The following CEP15 variants were observed in gnomAD, a reference collection of about 807,000 sequenced individuals.
CEP15 encodes centrosomal protein 15 kDa.
chr3:62,321,424 A>C, the CEP15 span, among the ~76,000 whole-genome samples: 1 of 152,172 alleles, frequency 6.6e-6, no homozygotes. The surrounding 1 kb of genome is among the most constrained non-coding windows in gnomAD (Gnocchi z 4.1). Flanking sequence ...AAAAGAGGGA[A>C]AAAATATTTT....
chr3:62,324,082 A>C, the CEP15 span: 1 of 152,214 alleles, frequency 6.6e-6, no homozygotes, highest in South Asian at 2.1e-4. Context: ...AGTCATTATG[A>C]AAGTAAAATA....
chr3:62,329,789 G>C, the CEP15 span, among the ~76,000 whole-genome samples: 3 of 152,156 alleles, frequency 2.0e-5, no homozygotes, highest in Non-Finnish European at 4.4e-5. Flanking sequence ...GTGGCGCCAA[G>C]ATCTGCCACT....
the CEP15 span, chr3:62,334,538 T>TTC: frequency 2.0e-5 from 3 of 152,146 alleles, no homozygotes; most frequent in Non-Finnish European, 4.4e-5. This position sits in a 1 kb window ranked among gnomAD's most constrained non-coding sequence, Gnocchi z 4.9. Flanking sequence ...ATTAGCACAC[T>TTC]TCTCTACAGT....
the CEP15 span, chr3:62,320,326 A>T: frequency 1.7e-6 from 1 of 576,114 alleles, no homozygotes; most frequent in South Asian, 2.7e-5. Context: ...CTTTCATTTT[A>T]TACATTATTA....
the CEP15 span, among the ~76,000 whole-genome samples, chr3:62,320,847 T>C: frequency 6.6e-6 from 1 of 152,206 alleles, no homozygotes; most frequent in Non-Finnish European, 1.5e-5. Context: ...GTGACTTATA[T>C]ACAGTCACAG....
chr3:62,325,353 A>G, the CEP15 span, among the ~76,000 whole-genome samples: 434 of 152,354 alleles, frequency 2.8e-3, 3 homozygotes, highest in Non-Finnish European at 4.1e-3. Flanking sequence ...CTTGAACTCA[A>G]TAAAATTTCT....
the CEP15 span, chr3:62,333,616 A>G: frequency 8.6e-6 from 3 of 347,278 alleles, no homozygotes; most frequent in East Asian, 5.6e-5. This position sits in a 1 kb window ranked among gnomAD's most constrained non-coding sequence, Gnocchi z 4.0. Context: ...TTAAACACGA[A>G]TATTAAAAGG....
the CEP15 span, chr3:62,335,577 G>T: frequency 6.6e-6 from 1 of 152,176 alleles, no homozygotes; most frequent in South Asian, 2.1e-4. Flanking sequence ...GTTAAGAAGG[G>T]AGGAATACCA....
chr3:62,321,250 C>G, the CEP15 span, among the ~76,000 whole-genome samples: 1 of 152,056 alleles, frequency 6.6e-6, no homozygotes, highest in South Asian at 2.1e-4. This position sits in a 1 kb window ranked among gnomAD's most constrained non-coding sequence, Gnocchi z 4.1. Context: ...AAGCATTTGA[C>G]CAGCAAGAAA....
the CEP15 span, chr3:62,320,403 G>T: frequency 3.9e-6 from 5 of 1,275,304 alleles, no homozygotes; most frequent in Middle Eastern, 5.7e-4. Flanking sequence ...ATCAAATGTT[G>T]CAAAGCTGAG....
At chr3:62,333,333 G>A in the CEP15 span, 1 of 1,611,562 alleles carries the variant, frequency 6.2e-7, no homozygotes, top group Non-Finnish European at 8.5e-7. The surrounding 1 kb of genome is among the most constrained non-coding windows in gnomAD (Gnocchi z 4.0). Flanking sequence ...ATATCCTTTT[G>A]CTGTTGAAAA....
At chr3:62,334,985 A>T in the CEP15 span, 1 of 152,080 alleles carries the variant, frequency 6.6e-6, no homozygotes, top group South Asian at 2.1e-4. This position sits in a 1 kb window ranked among gnomAD's most constrained non-coding sequence, Gnocchi z 4.9. Context: ...GAATGAAGCA[A>T]TGTGAAACTT....
the CEP15 span, among the ~76,000 whole-genome samples, chr3:62,321,052 T>G: frequency 1.3e-5 from 2 of 152,188 alleles, no homozygotes; most frequent in East Asian, 1.9e-4. This position sits in a 1 kb window ranked among gnomAD's most constrained non-coding sequence, Gnocchi z 4.1. Flanking sequence ...GATACTTTCC[T>G]TACCAAAAAA....
the CEP15 span, among the ~76,000 whole-genome samples, chr3:62,321,186 G>T: frequency 1.3e-5 from 2 of 152,128 alleles, no homozygotes; most frequent in Non-Finnish European, 2.9e-5. This position sits in a 1 kb window ranked among gnomAD's most constrained non-coding sequence, Gnocchi z 4.1. Context: ...ACCAACGTAT[G>T]TATCTTTTAA....
the CEP15 span, chr3:62,333,399 A>G: frequency 6.2e-7 from 1 of 1,606,336 alleles, no homozygotes; most frequent in Admixed American, 1.7e-5. This position sits in a 1 kb window ranked among gnomAD's most constrained non-coding sequence, Gnocchi z 4.0. Context: ...ACTTCTTCAC[A>G]TGCTATTTCA....
the CEP15 span, among the ~76,000 whole-genome samples, chr3:62,321,273 A>G: frequency 6.6e-6 from 1 of 152,246 alleles, no homozygotes; most frequent in Non-Finnish European, 1.5e-5. This position sits in a 1 kb window ranked among gnomAD's most constrained non-coding sequence, Gnocchi z 4.1. Flanking sequence ...TTTAAAGTAT[A>G]TTATATGTAA....
the CEP15 span, chr3:62,333,863 A>T: frequency 6.6e-6 from 1 of 152,246 alleles, no homozygotes; most frequent in Non-Finnish European, 1.5e-5. The surrounding 1 kb of genome is among the most constrained non-coding windows in gnomAD (Gnocchi z 4.0). Context: ...CTGCTCTAGC[A>T]AAATAACTTA....
the CEP15 span, among the ~76,000 whole-genome samples, chr3:62,326,087 A>G: frequency 1.3e-5 from 2 of 151,740 alleles, no homozygotes; most frequent in Non-Finnish European, 2.9e-5. Flanking sequence ...CTCATGAGTA[A>G]GCTGGACAAA....
the CEP15 span, among the ~76,000 whole-genome samples, chr3:62,332,847 A>T: frequency 2.0e-5 from 3 of 152,134 alleles, no homozygotes; most frequent in South Asian, 6.2e-4. Context: ...TTTATGTTTG[A>T]TAATTTCATT....
Sources: gnomAD v4.1 joint callset for allele counts (sites outside exome capture counted in the v4.1 genomes callset) on GRCh38, gnomAD v4.1.1 for gene constraint, Gnocchi (gnomAD v3.1) non-coding constraint, MANE v1.5 for transcripts, NCBI Gene and HGNC (gene_info 2026-07-23, HGNC 2026-07-21) for gene names.